ANO10: variants seen among roughly 807,000 people sequenced by gnomAD.
ANO10 encodes the protein anoctamin-10.
Under a neutral mutation model 74.7 loss-of-function variants are expected in ANO10, and 77 were observed. The observed-to-expected ratio is 1.03, with a 90% CI of 0.86 to 1.25. The LOEUF is 1.25. Ranked by LOEUF, ANO10 falls within the 50% of genes most tolerant of loss-of-function variation. ANO10 has a pLI of 0.00. For synonymous variants in ANO10, 279 were observed against 284.9 expected, an observed-to-expected ratio of 0.98 and a Z score of 0.21; for missense variants, 721 against 778.1, an observed-to-expected ratio of 0.93 and a Z score of 0.87.
intron 1 of ANO10, among the ~76,000 whole-genome samples, chr3:43,642,439 G>A (rs2083679859): frequency 6.6e-6 from 1 of 152,126 alleles, no homozygotes; most frequent in Non-Finnish European, 1.5e-5. Context: ...CATTATGAGT[G>A]TATAATTAAA....
intron 1 of ANO10, among the ~76,000 whole-genome samples, chr3:43,671,815 C>T (rs953794325): frequency 6.6e-6 from 1 of 152,266 alleles, no homozygotes; most frequent in East Asian, 1.9e-4. Flanking sequence ...CCATTTCCCC[C>T]ACCTGCAGCA....
chr3:43,643,092 C>T (rs1441037349), intron 1 of ANO10, among the ~76,000 whole-genome samples: 2 of 149,770 alleles, frequency 1.3e-5, no homozygotes, highest in African/African-American at 4.9e-5. Flanking sequence ...AGTGCAGTGG[C>T]GCAATCTCGG....
At chr3:43,680,224 T>C (rs933282518) in intron 1 of ANO10, among the ~76,000 whole-genome samples, 3 of 151,804 alleles carry the variant, frequency 2.0e-5, no homozygotes, top group African/African-American at 4.8e-5. Flanking sequence ...GAATAACCAA[T>C]GCAGAGGAGT....
chr3:43,664,852 G>A (rs2083969765), intron 1 of ANO10, among the ~76,000 whole-genome samples: 1 of 152,128 alleles, frequency 6.6e-6, no homozygotes, highest in Non-Finnish European at 1.5e-5. Context: ...CAGTTAGAAT[G>A]GCGATCATTA....
At chr3:43,638,210 C>A (rs1381537466) in intron 1 of ANO10, among the ~76,000 whole-genome samples, 2 of 152,164 alleles carry the variant, frequency 1.3e-5, no homozygotes, top group Non-Finnish European at 2.9e-5. Context: ...AACCTTCGAA[C>A]TTGCATTACA....
chr3:43,499,918 G>A (rs1206759417), intron 11 of ANO10, among the ~76,000 whole-genome samples: 2 of 151,170 alleles, frequency 1.3e-5, no homozygotes, highest in Admixed American at 6.6e-5. Context: ...TGCAACCTCC[G>A]CCTCCTGGGT....
intron 11 of ANO10, among the ~76,000 whole-genome samples, chr3:43,435,051 T>C (rs142885524): frequency 3.0e-4 from 45 of 152,254 alleles, no homozygotes; most frequent in African/African-American, 9.1e-4. Context: ...AAAACTTATA[T>C]AAAAAAGAAC....
chr3:43,593,301 T>C (rs184746559), intron 4 of ANO10, among the ~76,000 whole-genome samples: 2 of 152,134 alleles, frequency 1.3e-5, no homozygotes, highest in Admixed American at 1.3e-4. Flanking sequence ...CCAAGACACA[T>C]AATTGTTAGA....
chr3:43,613,652 C>T (rs1467929095), intron 1 of ANO10, among the ~76,000 whole-genome samples: 1 of 152,124 alleles, frequency 6.6e-6, no homozygotes, highest in African/African-American at 2.4e-5. Flanking sequence ...TTTTAACTCT[C>T]CTGACTGAAA....
At chr3:43,622,957 C>T (rs1008526574), upstream of ANO10, among the ~76,000 whole-genome samples, 5 of 152,348 alleles carry the variant, frequency 3.3e-5, no homozygotes, top group East Asian at 3.8e-4. Context: ...CCTCCGCCTC[C>T]CGGGTTCAAG....
chr3:43,375,330 C>A (rs2091763120), intron 12 of ANO10, among the ~76,000 whole-genome samples: 1 of 151,994 alleles, frequency 6.6e-6, no homozygotes, highest in African/African-American at 2.4e-5. Context: ...CGCCTGTAAT[C>A]CCAGCTACTC....
At chr3:43,390,515 C>G (rs1432137809) in intron 12 of ANO10, among the ~76,000 whole-genome samples, 5 of 152,172 alleles carry the variant, frequency 3.3e-5, no homozygotes, top group Non-Finnish European at 7.4e-5. Flanking sequence ...GTTCATGTGC[C>G]ACATCTTCTA....
At chr3:43,614,801 A>ATATATATATATCTATATG (rs61457264) in intron 1 of ANO10, among the ~76,000 whole-genome samples, 1 of 99,386 alleles carries the variant, frequency 1.0e-5, no homozygotes, top group Non-Finnish European at 2.1e-5. Flanking sequence ...ATATATATAT[A>ATATATATATATCTATATG]TAGGTTCATT....
chr3:43,557,518 G>A (rs760929401), intron 9 of ANO10, among the ~76,000 whole-genome samples: 5 of 151,540 alleles, frequency 3.3e-5, no homozygotes, highest in Non-Finnish European at 5.9e-5. Context: ...GGTGGATCAC[G>A]AGGTCAGGAG....
intron 12 of ANO10, among the ~76,000 whole-genome samples, chr3:43,419,002 T>A (rs149441127): frequency 3.1e-3 from 477 of 152,362 alleles, no homozygotes; most frequent in Non-Finnish European, 5.6e-3. Context: ...AAAGTATTTA[T>A]TATCTGGCCC....
At chr3:43,591,367 G>A (rs1271183584) in intron 4 of ANO10, among the ~76,000 whole-genome samples, 1 of 152,280 alleles carries the variant, frequency 6.6e-6, no homozygotes, top group East Asian at 1.9e-4. Flanking sequence ...TAATGGAGCT[G>A]AACACTAGTT....
At chr3:43,454,488 G>A (rs1242316382) in intron 11 of ANO10, among the ~76,000 whole-genome samples, 1 of 151,832 alleles carries the variant, frequency 6.6e-6, no homozygotes, top group East Asian at 1.9e-4. Flanking sequence ...AGAGAGAGTG[G>A]GCAAGAAGCA....
At chr3:43,541,643 CA>C (rs2078960016) in intron 11 of ANO10, among the ~76,000 whole-genome samples, 1 of 152,086 alleles carries the variant, frequency 6.6e-6, no homozygotes, top group South Asian at 2.1e-4. Context: ...ATGACTCATT[CA>C]TTAATTAATA....
At chr3:43,415,848 T>C (rs2092730244) in intron 12 of ANO10, among the ~76,000 whole-genome samples, 1 of 152,108 alleles carries the variant, frequency 6.6e-6, no homozygotes, top group African/African-American at 2.4e-5. Context: ...AGCCAAAAAA[T>C]GACAATTCTT....
Sources: allele counts gnomAD v4.1 joint callset (sites outside exome capture counted in the v4.1 genomes callset), GRCh38; gene constraint gnomAD v4.1.1; transcripts MANE v1.5; gene names NCBI Gene and HGNC (gene_info 2026-07-23, HGNC 2026-07-21).